CFH: variants seen among roughly 807,000 people sequenced by gnomAD.
CFH encodes the protein complement factor H, also known as H factor 1 (complement).
A neutral mutation model predicts 147.3 loss-of-function variants in CFH; 53 were observed. The observed-to-expected ratio is 0.36, with a 90% CI of 0.29 to 0.45. The LOEUF (loss-of-function observed/expected upper bound fraction) is 0.45, where lower values mean the gene tolerates loss of function less well. Ranked by LOEUF, CFH falls within the 20% of genes least tolerant of loss-of-function variation. The pLI is 1.00. For synonymous variants in CFH, 536 were observed against 489.4 expected (o/e 1.10, Z -1.26); for missense variants, 1,380 against 1,498.0 (o/e 0.92, Z 1.30).
At chr1:196,680,899 G>A (rs777918362) in intron 6 of CFH, among the ~76,000 whole-genome samples, 4 of 151,770 alleles carry the variant, frequency 2.6e-5, no homozygotes, top group African/African-American at 9.7e-5. Context: ...TCACAATTGC[G>A]TGATCTCTAC....
At chr1:196,700,374 C>A (rs189287367) in intron 9 of CFH, among the ~76,000 whole-genome samples, 5 of 152,170 alleles carry the variant, frequency 3.3e-5, no homozygotes, top group East Asian at 1.9e-4. Context: ...TGGCAAGCAC[C>A]CAGACATGAT....
chr1:196,708,244 T>C (rs938290118), intron 9 of CFH, among the ~76,000 whole-genome samples: 1 of 152,314 alleles, frequency 6.6e-6, no homozygotes, highest in African/African-American at 2.4e-5. Context: ...TCCCCCAAAC[T>C]ATTCAAAATA....
rs1669343065 is a variant in CFH, at chr1:196,734,106, A to T, written c.2414-2718A>T. Among the ~76,000 whole-genome samples the T allele has an allele frequency of 3.3e-5, 5 of 151,968 alleles. No homozygotes were observed. The South Asian group carries it at 1.0e-3, about 32-fold the overall frequency. The stretch of plus-strand genomic sequence containing the variant: ...AGGATGCTTTATGTGAGATCCAAAA[A>T]CTTCTCCACAAGGAGAAACTGGGTT... On this transcript the variant is annotated intron_variant, in intron 15 of 21. Transcript: ENST00000367429.
intron 6 of CFH, among the ~76,000 whole-genome samples, chr1:196,683,192 A>G (rs1266507604): frequency 6.6e-6 from 1 of 151,754 alleles, no homozygotes; most frequent in East Asian, 1.9e-4. Context: ...GACAAGGAGA[A>G]GCAGGAGAAC....
In CFH at chr1:196,714,175, G is replaced by A. The variant is rs1380084305; in HGVS notation, c.1519+258G>A. ...GTTAGGGAGCTTTATGTGTATTCTG[G>A]TTTAAACTGATTTTGCTTTAGCTGA... On this transcript the variant is annotated intron_variant, in intron 10 of 21. Coordinates refer to ENST00000367429, the MANE Select transcript of CFH (RefSeq NM_000186.4). Among the ~76,000 whole-genome samples the A allele has an allele frequency of 4.0e-5, 6 of 151,886 alleles. 1 individual carries two copies. The South Asian group carries it at 1.0e-3, about 26-fold the overall frequency.
chr1:196,655,013 C>G (rs1666637303), intron 1 of CFH, among the ~76,000 whole-genome samples: 1 of 152,116 alleles, frequency 6.6e-6, no homozygotes, highest in Non-Finnish European at 1.5e-5. Context: ...ATCTCATCTC[C>G]TCCTAAAATA....
At chr1:196,674,803 T>C (rs1667400352) in intron 3 of CFH, among the ~76,000 whole-genome samples, 1 of 152,132 alleles carries the variant, frequency 6.6e-6, no homozygotes, top group Admixed American at 6.5e-5. Flanking sequence ...TATTTAAAAA[T>C]ATATCTCTTC....
At position 196,679,912 on chromosome 1, in the gene CFH, T is replaced by C. The variant is rs1366723062; in HGVS notation, c.790+119T>C. 7 of 917,760 alleles carry C rather than the reference T, an allele frequency of 7.6e-6. No individual in the cohort carries two copies. The Admixed American group carries it at 1.2e-4, about 16-fold the overall frequency. 56.9% of individuals were successfully genotyped at this position (917,760 alleles called of 1,614,324 possible). A position where few individuals can be genotyped will look rare whatever the true frequency, so the allele number is the denominator to read the frequency against. Reference sequence around the variant, plus strand: ...GTGCTAATTTATGTAAATAAACTATTATAAAAAACATATAGCATTTTCTGT... The same window carrying C: ...GTGCTAATTTATGTAAATAAACTATCATAAAAAACATATAGCATTTTCTGT... On this transcript the variant is annotated intron_variant, in intron 6 of 21. Coordinates refer to ENST00000367429, the MANE Select transcript of CFH (RefSeq NM_000186.4).
At chr1:196,685,341 T>A (rs1449236775) in intron 7 of CFH, 104 bp downstream of exon 7, 1 of 1,195,180 alleles carries the variant, frequency 8.4e-7, no homozygotes, top group Non-Finnish European at 1.2e-6. Flanking sequence ...TTATTGTATA[T>A]ACAAAGTAAG....
Position 196,682,077 on chromosome 1 carries a change from A to T in CFH, c.790+2284A>T, listed in dbSNP as rs35121684. Reference sequence around the variant, plus strand: ...GTCTATGGCACACACATGTCAGAGGACTGATTTAAAGGTGAATTGTCAAAA... The same window carrying T: ...GTCTATGGCACACACATGTCAGAGGTCTGATTTAAAGGTGAATTGTCAAAA... On this transcript the variant is annotated intron_variant, in intron 6 of 21. Transcript: ENST00000367429. Among the ~76,000 whole-genome samples, 475 of 151,858 alleles carry T rather than the reference A, an allele frequency of 3.1e-3. 3 individuals carry two copies. The highest frequency in any genetic ancestry group is 0.01 in the African/African-American group (432 of 41,514).
In CFH at chr1:196,713,929, A is replaced by G. The variant is rs1271966921; in HGVS notation, c.1519+12A>G. ...ACCCACGTGCATTAGTAAGTAATTT[A>G]TTATGTTTGTATTGATTATCCAGAT... On this transcript the variant is annotated intron_variant, in intron 10 of 21. Coordinates refer to ENST00000367429, the MANE Select transcript of CFH (RefSeq NM_000186.4). 2.5e-6 allele frequency: 4 copies of G among 1,608,690 alleles called. No homozygotes were observed. Among genetic ancestry groups the G allele is most frequent in the Admixed American group, 1.7e-5 (1 of 59,820 alleles).
intron 10 of CFH, among the ~76,000 whole-genome samples, chr1:196,714,696 G>T (rs1167931162): frequency 5.9e-5 from 7 of 118,962 alleles, no homozygotes; most frequent in Non-Finnish European, 1.0e-4. Flanking sequence ...GAGAGAGAGA[G>T]AGAGAGAGAG....
intron 7 of CFH, among the ~76,000 whole-genome samples, chr1:196,685,640 T>A (rs1017365870): frequency 6.6e-6 from 1 of 152,106 alleles, no homozygotes; most frequent in Non-Finnish European, 1.5e-5. Context: ...ATATAAGTAG[T>A]TGTGAATCAG....
At chr1:196,702,863 C>T (rs1668494792) in intron 9 of CFH, among the ~76,000 whole-genome samples, 1 of 151,994 alleles carries the variant, frequency 6.6e-6, no homozygotes, top group Non-Finnish European at 1.5e-5. Flanking sequence ...TCAGTAAGGT[C>T]CAGGATGGTC....
At chr1:196,729,268 A>G (rs759435256) in intron 15 of CFH, among the ~76,000 whole-genome samples, 1 of 152,106 alleles carries the variant, frequency 6.6e-6, no homozygotes, top group South Asian at 2.1e-4. Flanking sequence ...AATAATATAT[A>G]TATGCAGTGA....
chr1:196,744,185 T>TC (rs397966655), intron 20 of CFH, among the ~76,000 whole-genome samples: 1 of 152,042 alleles, frequency 6.6e-6, no homozygotes, highest in African/African-American at 2.4e-5. Context: ...ATTTTTTTTT[T>TC]CACTATTTTA....
intron 12 of CFH, among the ~76,000 whole-genome samples, chr1:196,726,112 C>T (rs987748861): frequency 6.6e-6 from 1 of 152,098 alleles, no homozygotes; most frequent in South Asian, 2.1e-4. Flanking sequence ...ATTAGTCAAA[C>T]TTTATGTTGA....
chr1:196,685,637 TAGTTGTGAATC>T (rs1667800214), intron 7 of CFH, among the ~76,000 whole-genome samples: 1 of 152,084 alleles, frequency 6.6e-6, no homozygotes, highest in Non-Finnish European at 1.5e-5. Context: ...CTTATATAAG[TAGTTGTGAATC>T]AGACTGTCTT....
In CFH at chr1:196,711,684, C is replaced by T. The variant is rs1831281; in HGVS notation, c.1337-2051C>T. On this transcript the variant is annotated intron_variant, in intron 9 of 21. Transcript: ENST00000367429. ...GTTTGTTCAGAATATTAAGCTGCTT[C>T]TGATGTCTCTACTACGTGACCTAGA... Among the ~76,000 whole-genome samples, 31,002 of 151,906 alleles carry T rather than the reference C, an allele frequency of 0.2. 3,635 individuals carry two copies. Among genetic ancestry groups the T allele is most frequent in the East Asian group, 0.39 (1,989 of 5,142 alleles).
Sources: allele counts gnomAD v4.1 joint callset (sites outside exome capture counted in the v4.1 genomes callset), GRCh38; gene constraint gnomAD v4.1.1; transcripts MANE v1.5; gene names NCBI Gene and HGNC (gene_info 2026-07-23, HGNC 2026-07-21).